The following C21orf91 variants were observed in gnomAD, a reference collection of about 807,000 sequenced individuals.
The protein encoded by C21orf91 is protein EURL homolog.
In C21orf91, 26 loss-of-function variants were observed where a neutral mutation model predicts 32.9. That is an observed-to-expected ratio of 0.79 (90% confidence interval 0.58 to 1.10). C21orf91 has a LOEUF of 1.10. Among genes scored for constraint, C21orf91 ranks in the 50% least tolerant of loss-of-function variants. The pLI, the probability that C21orf91 is intolerant of heterozygous loss-of-function variation, is 0.00. For missense variants in C21orf91, 310 were observed against 341.3 expected (o/e 0.91, Z 0.72); for synonymous variants, 126 against 120.4 (o/e 1.05, Z -0.31).
chr21:17,807,898 G>A (rs922419858), intron 2 of C21orf91, among the ~76,000 whole-genome samples: 9 of 152,152 alleles, frequency 5.9e-5, no homozygotes, highest in African/African-American at 2.2e-4. Context: ...ACAAAGAGAT[G>A]ATCTGAAACT....
chr21:17,793,599 A>T lies in C21orf91; in HGVS notation c.728-18T>A, dbSNP rs769395784. 6.4e-7 allele frequency: 1 copy of T among 1,574,272 alleles called. No homozygotes were observed. The highest frequency in any genetic ancestry group is 8.7e-7 in the Non-Finnish European group (1 of 1,150,558). On this transcript the variant is annotated intron_variant, in intron 4 of 4. Transcript: ENST00000284881. ...AAAAACTTCTGTAAAAGATTTAAAA[A>T]CTTTCATTTTTAGTATGCAGAAAGC...
At chr21:17,800,484 A>G (rs937240890) in intron 2 of C21orf91, among the ~76,000 whole-genome samples, 7 of 152,232 alleles carry the variant, frequency 4.6e-5, no homozygotes, top group African/African-American at 1.7e-4. Context: ...TCATCAGTTC[A>G]AATTATTATA....
chr21:17,796,625 C>T lies in C21orf91; in HGVS notation c.621G>A (p.Glu207=), dbSNP rs1441248640. 6.2e-7 allele frequency: 1 copy of T among 1,614,034 alleles called. No homozygotes were observed. Among genetic ancestry groups the T allele is most frequent in the East Asian group, 2.2e-5 (1 of 44,866 alleles). ...GTGGATGCTGGGTCTGGACATTAGC[C>T]TCTGGACTAGAGATTGTCTCTTCTT... ...QKKEETISSP[E]ANVQTQHPHY... is the part of the protein sequence containing the mutation. Residue 207 remains glutamate (E), a synonymous_variant, in exon 3 of 5, where the codon GAG becomes GAA. Transcript: ENST00000284881.
Position 17,796,964 on chromosome 21 carries a change from T to G in C21orf91, c.282A>C (p.Ile94=). The change falls in exon 3 of 5, where the codon ATA becomes ATC. Residue 94 remains isoleucine, a synonymous_variant. Coordinates refer to ENST00000284881, the MANE Select transcript of C21orf91 (RefSeq NM_001100420.2). ...EEVKTILSKK[I]NWIVQYAQNK... ...TTTGTGCATACTGCACAATCCAGTT[T>G]ATCTTCTTACTCAAAATGGTTTTAA... 2.5e-6 allele frequency: 4 copies of G among 1,613,786 alleles called. No homozygotes were observed. The highest frequency in any genetic ancestry group is 3.4e-6 in the Non-Finnish European group (4 of 1,179,784).
intron 2 of C21orf91, among the ~76,000 whole-genome samples, chr21:17,814,325 T>TTG (rs1017026361): frequency 2.0e-5 from 3 of 152,202 alleles, no homozygotes; most frequent in African/African-American, 4.8e-5. Context: ...ATTAGAGTAT[T>TTG]TGATCACTAA....
intron 2 of C21orf91, among the ~76,000 whole-genome samples, chr21:17,815,123 G>A (rs369603286): frequency 6.6e-6 from 1 of 152,064 alleles, no homozygotes; most frequent in African/African-American, 2.4e-5. Context: ...TTTTATAAAC[G>A]TATGCATGCA....
chr21:17,818,225 A>G lies in C21orf91; in HGVS notation c.94T>C (p.Phe32Leu), dbSNP rs2062677932. ...KLGTDKETLS[F>L]CHICFELNIE... ...TTTAGCTCAAAACAAATGTGGCAGA[A>G]GGAGAGTGTTTCTTTGTCTGTTCCC... The change falls in exon 2 of 5, where the codon TTC becomes CTC. Residue 32 changes from phenylalanine to leucine, a missense_variant. Phe to Leu is a conservative substitution (Grantham distance 22). Coordinates refer to ENST00000284881, the MANE Select transcript of C21orf91 (RefSeq NM_001100420.2). The G allele has an allele frequency of 6.2e-7, 1 of 1,610,368 alleles. No homozygotes were observed. Among genetic ancestry groups the G allele is most frequent in the Admixed American group, 1.7e-5 (1 of 59,988 alleles).
chr21:17,799,363 G>C (rs1256035423), intron 2 of C21orf91, among the ~76,000 whole-genome samples: 1 of 151,916 alleles, frequency 6.6e-6, no homozygotes, highest in African/African-American at 2.4e-5. Context: ...TCACCTTACT[G>C]AACACTTAAC....
At chr21:17,795,667 C>T (rs1411027431) in intron 3 of C21orf91, among the ~76,000 whole-genome samples, 3 of 151,896 alleles carry the variant, frequency 2.0e-5, no homozygotes, top group African/African-American at 7.3e-5. Context: ...GAGATGGGGT[C>T]TCCCTGTGTT....
At chr21:17,804,156 G>A (rs1185495893) in intron 2 of C21orf91, among the ~76,000 whole-genome samples, 24 of 152,124 alleles carry the variant, frequency 1.6e-4, no homozygotes, top group Non-Finnish European at 1.5e-5. Flanking sequence ...CCATGCATTT[G>A]ATGAGCAAGC....
chr21:17,816,186 T>C (rs1199816999), intron 2 of C21orf91, among the ~76,000 whole-genome samples: 2 of 152,192 alleles, frequency 1.3e-5, no homozygotes, highest in East Asian at 1.9e-4. Flanking sequence ...TCTTTTACAC[T>C]GAAGGGAACT....
intron 2 of C21orf91, among the ~76,000 whole-genome samples, chr21:17,806,118 C>T (rs995963478): frequency 6.6e-6 from 1 of 152,218 alleles, no homozygotes; most frequent in African/African-American, 2.4e-5. Flanking sequence ...AATGTGATAA[C>T]TCTGTCTCTC....
chr21:17,812,823 A>G (rs1251530367), intron 2 of C21orf91, among the ~76,000 whole-genome samples: 1 of 151,702 alleles, frequency 6.6e-6, no homozygotes, highest in African/African-American at 2.4e-5. Context: ...AAAAACAAAA[A>G]AAAACAAACA....
chr21:17,797,100 A>ATTTGGT lies in C21orf91; in HGVS notation c.145_146insACCAAA (p.Leu49delinsHisGlnIle). 1 of 1,590,692 alleles carries ATTTGGT rather than the reference A, an allele frequency of 6.3e-7. No homozygotes were observed. The highest frequency in any genetic ancestry group is 8.5e-7 in the Non-Finnish European group (1 of 1,170,744). ...GCCCCTTAATGATTTGGTGTGCAAG[A>ATTTGGT]GATCAGACTTTGGTACCCCTATGGA... On this transcript the variant is annotated protein_altering_variant, in exon 3 of 5. Coordinates refer to ENST00000284881, the MANE Select transcript of C21orf91 (RefSeq NM_001100420.2).
chr21:17,808,653 G>A (rs567353175), intron 2 of C21orf91, among the ~76,000 whole-genome samples: 10 of 152,282 alleles, frequency 6.6e-5, no homozygotes, highest in African/African-American at 2.4e-4. Flanking sequence ...GTTTTTTAGA[G>A]GCTTATAGAC....
At chr21:17,807,554 G>C (rs183952576) in intron 2 of C21orf91, among the ~76,000 whole-genome samples, 1 of 152,308 alleles carries the variant, frequency 6.6e-6, no homozygotes, top group East Asian at 1.9e-4. Flanking sequence ...CAGTTTGGAG[G>C]GCTCAGAAGA....
Position 17,796,663 on chromosome 21 carries a change from G to C in C21orf91, c.583C>G (p.Gln195Glu). The C allele has an allele frequency of 6.2e-7, 1 of 1,613,662 alleles. No homozygotes were observed. Among genetic ancestry groups the C allele is most frequent in the Non-Finnish European group, 8.5e-7 (1 of 1,179,596 alleles). ...NSVLWPHSHN[Q>E]AQKKEETISS... ...ATTGTCTCTTCTTTTTTCTGTGCCT[G>C]GTTGTGACTATGAGGCCACAATACA... The change falls in exon 3 of 5, where the codon CAG becomes GAG. Residue 195 changes from glutamine (Q) to glutamate (E), a missense_variant. Coordinates refer to ENST00000284881, the MANE Select transcript of C21orf91 (RefSeq NM_001100420.2).
At chr21:17,814,689 CATG>C (rs1477108828) in intron 2 of C21orf91, among the ~76,000 whole-genome samples, 3 of 152,092 alleles carry the variant, frequency 2.0e-5, no homozygotes, top group Non-Finnish European at 4.4e-5. Flanking sequence ...AACCAGATCT[CATG>C]ATAACTCACT....
intron 2 of C21orf91, among the ~76,000 whole-genome samples, chr21:17,803,656 ATG>A (rs1011711929): frequency 2.6e-5 from 4 of 152,206 alleles, no homozygotes; most frequent in African/African-American, 4.8e-5. Context: ...TTGAATATGT[ATG>A]TGTTGTCCAT....
Sources: allele counts gnomAD v4.1 joint callset (sites outside exome capture counted in the v4.1 genomes callset), GRCh38; gene constraint gnomAD v4.1.1; transcripts MANE v1.5; gene names NCBI Gene and HGNC (gene_info 2026-07-23, HGNC 2026-07-21).